SUSD6: variants seen among roughly 807,000 people sequenced by gnomAD.
The protein encoded by SUSD6 is sushi domain-containing protein 6.
SUSD6 carries 16 observed loss-of-function variants against 28.4 expected under a neutral mutation model. The ratio of observed to expected loss-of-function variants is 0.56; its 90% CI spans 0.38 to 0.86. The LOEUF is 0.86. Ranked by LOEUF, SUSD6 falls within the 40% of genes least tolerant of loss-of-function variation. SUSD6 has a pLI of 0.00. For missense variants in SUSD6, 341 were observed against 384.2 expected (o/e 0.89, Z 0.94); for synonymous variants, 147 against 159.6 (o/e 0.92, Z 0.59).
At chr14:69,672,896 CTGTTT>C (rs1885854982) in intron 2 of SUSD6, among the ~76,000 whole-genome samples, 1 of 152,228 alleles carries the variant, frequency 6.6e-6, no homozygotes, top group African/African-American at 2.4e-5. Flanking sequence ...TGAAAAGGTC[CTGTTT>C]TGTTCACAGT....
intron 1 of SUSD6, among the ~76,000 whole-genome samples, chr14:69,650,893 A>G (rs1438966224): frequency 6.6e-6 from 1 of 152,190 alleles, no homozygotes; most frequent in South Asian, 2.1e-4. Flanking sequence ...GTTTGCTGCA[A>G]TGCAGAGGGA....
intron 2 of SUSD6, among the ~76,000 whole-genome samples, chr14:69,667,370 C>CTTTTTT (rs10611584): frequency 1.4e-5 from 1 of 73,314 alleles, no homozygotes; most frequent in Admixed American, 1.7e-4. Flanking sequence ...CTCACAGTTT[C>CTTTTTT]TTTTTTTTTT....
At chr14:69,677,805 A>G (rs1478738769) in intron 2 of SUSD6, among the ~76,000 whole-genome samples, 2 of 152,218 alleles carry the variant, frequency 1.3e-5, no homozygotes, top group African/African-American at 4.8e-5. Flanking sequence ...CAAGTTACCA[A>G]ATACCCTGTT....
intron 1 of SUSD6, among the ~76,000 whole-genome samples, chr14:69,651,550 A>C (rs1411669898): frequency 2.0e-5 from 3 of 152,206 alleles, no homozygotes; most frequent in Admixed American, 2.0e-4. Context: ...CTGGCCTGAA[A>C]GGATGTCAGA....
chr14:69,637,024 G>A (rs1032330080), intron 1 of SUSD6, among the ~76,000 whole-genome samples: 39 of 152,148 alleles, frequency 2.6e-4, no homozygotes, highest in African/African-American at 8.7e-4. Context: ...TTAGGATTCC[G>A]TGACAAACCC....
intron 2 of SUSD6, among the ~76,000 whole-genome samples, chr14:69,695,119 T>TA (rs1290103097): frequency 1.3e-5 from 2 of 150,990 alleles, no homozygotes; most frequent in African/African-American, 5.0e-5. Context: ...ATTTGTCTCA[T>TA]AGGAGAGGAA....
At chr14:69,682,275 A>G (rs1886007708) in intron 2 of SUSD6, among the ~76,000 whole-genome samples, 1 of 152,134 alleles carries the variant, frequency 6.6e-6, no homozygotes, top group Non-Finnish European at 1.5e-5. Context: ...AGTTTGAGGC[A>G]TTGGTGAGCT....
At chr14:69,634,939 C>T (rs1252188249) in intron 1 of SUSD6, among the ~76,000 whole-genome samples, 1 of 152,164 alleles carries the variant, frequency 6.6e-6, no homozygotes, top group Non-Finnish European at 1.5e-5. Context: ...GATTTATACC[C>T]TCTTCCCATT....
chr14:69,701,543 C>G (rs1265345047), intron 2 of SUSD6, among the ~76,000 whole-genome samples: 2 of 152,204 alleles, frequency 1.3e-5, no homozygotes, highest in Non-Finnish European at 2.9e-5. Flanking sequence ...AAGGCTAAAG[C>G]AGTTTGCGGA....
At position 69,611,792 on chromosome 14, in the gene SUSD6, G is replaced by C. The variant is rs141877609; in HGVS notation, c.-117G>C. On this transcript the variant is annotated 5_prime_UTR_variant, in exon 1 of 6. Transcript: ENST00000342745. ...GCGCAAGCGGCGGCGTGGAAGCTGT[G>C]AGCGCCCCCATCCCGGAGGTCTCCG... The C allele has an allele frequency of 0.018, 2,731 of 151,588 alleles. 35 individuals carry two copies. The highest frequency in any genetic ancestry group is 0.041 in the Middle Eastern group (12 of 292). The allele number at this position is 151,588 out of a possible 1,614,324, so 9.4% of individuals were successfully genotyped here.
intron 1 of SUSD6, among the ~76,000 whole-genome samples, chr14:69,622,239 G>A (rs1320812459): frequency 1.3e-5 from 2 of 152,038 alleles, no homozygotes; most frequent in African/African-American, 4.8e-5. Context: ...ATCGCGGCTC[G>A]CTGCAGCCTT....
chr14:69,664,898 T>C (rs1885716653), intron 2 of SUSD6, among the ~76,000 whole-genome samples: 1 of 152,212 alleles, frequency 6.6e-6, no homozygotes, highest in African/African-American at 2.4e-5. Context: ...TGATTCTAGG[T>C]AGGTTTCCAG....
At chr14:69,656,000 C>A (rs1159895305) in intron 1 of SUSD6, among the ~76,000 whole-genome samples, 1 of 152,144 alleles carries the variant, frequency 6.6e-6, no homozygotes, top group East Asian at 1.9e-4. Context: ...CTCTGCTTAG[C>A]CCCTGCCTCC....
At chr14:69,627,736 T>A (rs904848673) in intron 1 of SUSD6, among the ~76,000 whole-genome samples, 4 of 152,152 alleles carry the variant, frequency 2.6e-5, no homozygotes, top group Non-Finnish European at 4.4e-5. Context: ...AGTGCTGGGA[T>A]TACAGGCGTG....
Position 69,658,584 on chromosome 14 carries a change from G to A in SUSD6, c.-9G>A, listed in dbSNP as rs749548388. On this transcript the variant is annotated 5_prime_UTR_variant, in exon 2 of 6. Transcript: ENST00000342745. ...TTTTTCTTTTTAAAAAAACTTGGACGGATAAAAGATGTGCCATGGCAGGAT... is the reference window on the plus strand; with the variant it reads ...TTTTTCTTTTTAAAAAAACTTGGACAGATAAAAGATGTGCCATGGCAGGAT... 4.8e-5 allele frequency: 77 copies of A among 1,613,268 alleles called. No individual in the cohort carries two copies. Among genetic ancestry groups the A allele is most frequent in the South Asian group, 1.2e-4 (11 of 90,926 alleles).
chr14:69,699,175 T>A (rs2139642804), intron 2 of SUSD6, among the ~76,000 whole-genome samples: 1 of 152,286 alleles, frequency 6.6e-6, no homozygotes, highest in South Asian at 2.1e-4. Context: ...GTCAAGAGGA[T>A]CATATTTTTT....
intron 2 of SUSD6, among the ~76,000 whole-genome samples, chr14:69,673,898 G>T (rs906600373): frequency 6.6e-6 from 1 of 152,138 alleles, no homozygotes; most frequent in Non-Finnish European, 1.5e-5. Flanking sequence ...GGTGCCTTTT[G>T]TGCTCTGATA....
intron 2 of SUSD6, among the ~76,000 whole-genome samples, chr14:69,663,243 A>C (rs1190643115): frequency 1.8e-4 from 27 of 152,248 alleles, no homozygotes; most frequent in Admixed American, 1.8e-3. Context: ...TTACTAAACA[A>C]ACTCAGTATT....
intron 1 of SUSD6, among the ~76,000 whole-genome samples, chr14:69,652,501 G>T (rs929801734): frequency 6.6e-6 from 1 of 152,084 alleles, no homozygotes; most frequent in Non-Finnish European, 1.5e-5. Flanking sequence ...ACATGTAAAC[G>T]GAGTCTGACT....
Sources: gnomAD v4.1 joint callset for allele counts (sites outside exome capture counted in the v4.1 genomes callset) on GRCh38, gnomAD v4.1.1 for gene constraint, MANE v1.5 for transcripts, NCBI Gene and HGNC (gene_info 2026-07-23, HGNC 2026-07-21) for gene names.